The following BMPR1B variants were observed in gnomAD, a reference collection of about 807,000 sequenced individuals.
BMPR1B encodes bone morphogenetic protein receptor type-1B.
In BMPR1B, 12 loss-of-function variants were observed where a neutral mutation model predicts 59.1. That is an observed-to-expected ratio of 0.20 (90% CI 0.13 to 0.33). The LOEUF is 0.33. Among genes scored for constraint, BMPR1B ranks in the 10% least tolerant of loss-of-function variants. The pLI, the probability that BMPR1B is intolerant of heterozygous loss-of-function variation, is 1.00. For missense variants in BMPR1B, 550 were observed against 610.9 expected (o/e 0.90, Z 1.05); for synonymous variants, 237 against 207.3 (o/e 1.14, Z -1.23).
At chr4:94,811,533 T>A (rs1036835387) in intron 1 of BMPR1B, among the ~76,000 whole-genome samples, 15 of 152,190 alleles carry the variant, frequency 9.9e-5, no homozygotes, top group Non-Finnish European at 1.8e-4. Flanking sequence ...TTCTTTGCAT[T>A]TGTGAATAAA....
chr4:95,139,601 A>G (rs1458632742), intron 10 of BMPR1B, among the ~76,000 whole-genome samples: 2 of 152,268 alleles, frequency 1.3e-5, no homozygotes, highest in African/African-American at 4.8e-5. Flanking sequence ...TACCTACTCA[A>G]GCTCAGCAGT....
chr4:94,826,301 G>A (rs1724379221), intron 1 of BMPR1B, among the ~76,000 whole-genome samples: 1 of 152,166 alleles, frequency 6.6e-6, no homozygotes, highest in East Asian at 1.9e-4. Flanking sequence ...AGGTCTCGGG[G>A]ATATTGCAGA....
At chr4:94,815,055 C>T (rs1723959213) in intron 1 of BMPR1B, among the ~76,000 whole-genome samples, 1 of 152,116 alleles carries the variant, frequency 6.6e-6, no homozygotes, top group Non-Finnish European at 1.5e-5. Context: ...AGGCACCTGC[C>T]ACCACGCCCG....
chr4:95,078,203 A>G (rs190903861), intron 3 of BMPR1B, among the ~76,000 whole-genome samples: 118 of 152,352 alleles, frequency 7.7e-4, no homozygotes, highest in African/African-American at 2.7e-3. Context: ...ATGAATTAGT[A>G]CCAGTAGGTA....
In BMPR1B at chr4:94,835,052, A is replaced by G. The variant is rs115637980; in HGVS notation, c.-182-40779A>G. 5.5e-3 allele frequency among the ~76,000 whole-genome samples: 840 copies of G among 151,710 alleles called. 5 individuals are homozygous for G. Among genetic ancestry groups the G allele is most frequent in the African/African-American group, 0.019 (789 of 41,362 alleles). ...ATTTATGCAGCTTCTGGGCTCTTTT[A>G]GGAAGAAATGCAGATTTTAGTGGTT... On this transcript the variant is annotated intron_variant, in intron 1 of 12. Transcript: ENST00000515059.
intron 3 of BMPR1B, among the ~76,000 whole-genome samples, chr4:95,032,533 C>T (rs755239250): frequency 1.3e-5 from 2 of 152,042 alleles, no homozygotes; most frequent in African/African-American, 2.4e-5. Flanking sequence ...TCCTATTTTC[C>T]CTCTCCTAGC....
At chr4:95,022,777 A>G (rs1162170349) in intron 3 of BMPR1B, among the ~76,000 whole-genome samples, 1 of 152,194 alleles carries the variant, frequency 6.6e-6, no homozygotes, top group East Asian at 1.9e-4. Context: ...AGACATTATA[A>G]AATGGTATTA....
At chr4:94,782,593 G>A (rs924096635) in intron 1 of BMPR1B, among the ~76,000 whole-genome samples, 2 of 152,160 alleles carry the variant, frequency 1.3e-5, no homozygotes, top group South Asian at 4.1e-4. Context: ...GGTGTGAACT[G>A]TCACACCTGG....
intron 1 of BMPR1B, among the ~76,000 whole-genome samples, chr4:94,780,625 A>G (rs2110586029): frequency 6.6e-6 from 1 of 151,594 alleles, no homozygotes; most frequent in African/African-American, 2.4e-5. Context: ...ATAGCAGTAT[A>G]CATCCTAGTA....
intron 1 of BMPR1B, among the ~76,000 whole-genome samples, chr4:94,832,664 T>A (rs1014513088): frequency 6.6e-6 from 1 of 152,100 alleles, no homozygotes; most frequent in African/African-American, 2.4e-5. Context: ...ACGCCTGTAA[T>A]CCCAGCTACT....
chr4:94,922,071 C>CA (rs1486223191), intron 2 of BMPR1B, among the ~76,000 whole-genome samples: 5 of 152,104 alleles, frequency 3.3e-5, no homozygotes, highest in Non-Finnish European at 7.4e-5. Flanking sequence ...CTTCTGGGTT[C>CA]AATCTATCCT....
chr4:95,027,385 A>G (rs904824102), intron 3 of BMPR1B, among the ~76,000 whole-genome samples: 3 of 152,190 alleles, frequency 2.0e-5, no homozygotes, highest in Admixed American at 2.0e-4. Context: ...GAAAACCAAA[A>G]TTTCTCCAAT....
chr4:94,953,739 G>A (rs1312635896), intron 2 of BMPR1B, among the ~76,000 whole-genome samples: 1 of 151,938 alleles, frequency 6.6e-6, no homozygotes, highest in Non-Finnish European at 1.5e-5. Context: ...GTGTCTTGGG[G>A]TTGCCGTTCT....
At chr4:95,108,934 C>T (rs966817116) in intron 4 of BMPR1B, among the ~76,000 whole-genome samples, 3 of 152,008 alleles carry the variant, frequency 2.0e-5, no homozygotes, top group Admixed American at 6.6e-5. Context: ...AGTAACTCTC[C>T]TTATGTGGCT....
intron 4 of BMPR1B, among the ~76,000 whole-genome samples, chr4:95,105,643 A>G (rs544157391): frequency 6.6e-6 from 1 of 152,156 alleles, no homozygotes; most frequent in East Asian, 1.9e-4. Context: ...ATAAATATAT[A>G]TCTCATTTAA....
intron 3 of BMPR1B, among the ~76,000 whole-genome samples, chr4:95,035,716 T>A (rs1578967408): frequency 6.6e-6 from 1 of 152,218 alleles, no homozygotes; most frequent in Non-Finnish European, 1.5e-5. Context: ...GGTAATGTGA[T>A]CCCTCCAGAT....
chr4:95,087,128 AGTGATT>A lies in BMPR1B; in HGVS notation c.-17-17279_-17-17274del, dbSNP rs766001358. 2.1e-4 allele frequency among the ~76,000 whole-genome samples: 32 copies of A among 151,102 alleles called. No individual in the cohort carries two copies. The East Asian group carries it at 4.2e-3, about 20-fold the overall frequency. On this transcript the variant is annotated intron_variant, in intron 3 of 12. Transcript: ENST00000515059. Reference sequence around the variant, plus strand: ...ACTTCAGCCTCCGCCTCCAGGCTCAAGTGATTCTCCTGCCTCAGCCTCTCTAGTAGC... The same window carrying A: ...ACTTCAGCCTCCGCCTCCAGGCTCAACTCCTGCCTCAGCCTCTCTAGTAGC...
At chr4:94,770,655 A>G (rs1041632405) in intron 1 of BMPR1B, among the ~76,000 whole-genome samples, 2 of 152,106 alleles carry the variant, frequency 1.3e-5, no homozygotes, top group Non-Finnish European at 2.9e-5. Context: ...TGTTAAGGCT[A>G]CTTCCAGCAC....
chr4:94,878,245 A>G (rs529719803), intron 2 of BMPR1B, among the ~76,000 whole-genome samples: 14 of 152,274 alleles, frequency 9.2e-5, no homozygotes, highest in South Asian at 2.1e-4. Flanking sequence ...TTAATGTGCT[A>G]TTTTTTAATT....
Sources: gnomAD v4.1 joint callset for allele counts (sites outside exome capture counted in the v4.1 genomes callset) on GRCh38, gnomAD v4.1.1 for gene constraint, MANE v1.5 for transcripts, NCBI Gene and HGNC (gene_info 2026-07-23, HGNC 2026-07-21) for gene names.